Variants in EVPLL observed in about 807,000 individuals in gnomAD.
The protein encoded by EVPLL is envoplakin-like protein.
Under a neutral mutation model 46.2 loss-of-function variants are expected in EVPLL, and 39 were observed. The observed-to-expected ratio is 0.84, with a 90% confidence interval of 0.65 to 1.10. EVPLL has a LOEUF of 1.10. Among genes scored for constraint, EVPLL ranks in the 50% least tolerant of loss-of-function variants. The probability of loss-of-function intolerance (pLI) is 0.00; values close to 1 mark genes in which losing one functional copy is unlikely to be tolerated. For missense variants in EVPLL, 385 were observed against 412.6 expected (o/e 0.93, Z 0.58); for synonymous variants, 156 against 165.8 (o/e 0.94, Z 0.46).
rs1259136009 is a variant in EVPLL, at chr17:18,383,488, C to A, written c.781-4C>A. ...GTCCGAGGGCTCCGTGCTGCGGTAC[C>A]CAGGCCCACCAGGAGGCCCTGAAGA... On this transcript the variant is annotated splice_region_variant and splice_polypyrimidine_tract_variant and intron_variant, in intron 8 of 10. Transcript: ENST00000399134. 5 of 1,570,832 alleles carry A rather than the reference C, an allele frequency of 3.2e-6. No homozygotes were observed. The highest frequency in any genetic ancestry group is 4.3e-6 in the Non-Finnish European group (5 of 1,158,128).
intron 1 of EVPLL, 191 bp from the exon 2 acceptor site, chr17:18,380,711 G>A (rs983917326): frequency 1.7e-6 from 1 of 572,828 alleles, no homozygotes; most frequent in South Asian, 2.2e-5. Flanking sequence ...CCCTCATGTG[G>A]CGGGGCAGTG....
chr17:18,378,537 C>T (rs1388935361), intron 1 of EVPLL, among the ~76,000 whole-genome samples: 1 of 152,080 alleles, frequency 6.6e-6, no homozygotes, highest in Non-Finnish European at 1.5e-5. Context: ...CATGGCTGGG[C>T]GCGGTAGCTC....
chr17:18,383,420 G>A (rs779571301), intron 8 of EVPLL, 42 bp downstream of exon 8: 2 of 1,543,788 alleles, frequency 1.3e-6, no homozygotes, highest in South Asian at 1.2e-5. Flanking sequence ...GACGTGGTGG[G>A]CGGGGAAGGG....
intron 1 of EVPLL, chr17:18,380,050 C>CTT (rs2151626559): frequency 6.6e-6 from 1 of 152,512 alleles, no homozygotes; most frequent in Non-Finnish European, 1.5e-5. Context: ...GGGGCCCATC[C>CTT]TTTGACCCAG....
intron 1 of EVPLL, among the ~76,000 whole-genome samples, chr17:18,379,639 G>A (rs112624894): frequency 3.3e-5 from 5 of 152,178 alleles, no homozygotes; most frequent in African/African-American, 1.2e-4. Flanking sequence ...CCTCACGTGC[G>A]ATCCACTCGT....
chr17:18,381,904 C>G lies in EVPLL; in HGVS notation c.346+174C>G. The G allele has an allele frequency of 9.4e-7, 1 of 1,059,366 alleles. No individual in the cohort carries two copies. Among genetic ancestry groups the G allele is most frequent in the Non-Finnish European group, 1.4e-6 (1 of 735,798 alleles). The allele number at this position is 1,059,366 out of a possible 1,614,324, so 65.6% of individuals were successfully genotyped here. A position where few individuals can be genotyped will look rare whatever the true frequency, so the allele number is the denominator to read the frequency against. ...AGGGAAGACTTCCTGTAGGAGGAGG[C>G]ACATGAAGAGACCTCAGAGGGGTGA... On this transcript the variant is annotated intron_variant, in intron 4 of 10. Transcript: ENST00000399134. The surrounding 1 kb of genome is among the most constrained non-coding windows in gnomAD (Gnocchi z 4.2).
In EVPLL at chr17:18,382,579, A is replaced by G. The variant is rs1159550979; in HGVS notation, c.413A>G (p.Gln138Arg). The change falls in exon 5 of 11, where the codon CAA (glutamine) becomes CGA (arginine). Residue 138 changes from glutamine to arginine, a missense_variant. Transcript: ENST00000399134. ...GGAGGTDRGAQHRAEGDQRPR... is the reference protein window; with the variant it reads ...GGAGGTDRGARHRAEGDQRPR... ...GCTGGAGGAACAGATCGCGGAGCTCAACATCGTGCAGAAGGAGATCAACGA... is the reference window on the plus strand; with the variant it reads ...GCTGGAGGAACAGATCGCGGAGCTCGACATCGTGCAGAAGGAGATCAACGA... 4 of 1,551,858 alleles carry G rather than the reference A, an allele frequency of 2.6e-6. No individual in the cohort carries two copies. The highest frequency in any genetic ancestry group is 2.0e-5 in the Admixed American group (1 of 51,014).
chr17:18,387,702 A>T (rs532005834), intron 9 of EVPLL, among the ~76,000 whole-genome samples: 1 of 152,198 alleles, frequency 6.6e-6, no homozygotes, highest in African/African-American at 2.4e-5. Context: ...TGACCTTCGT[A>T]TTTATGCCTC....
intron 9 of EVPLL, chr17:18,387,845 A>G (rs1288147624): frequency 6.6e-6 from 1 of 152,472 alleles, no homozygotes; most frequent in East Asian, 1.9e-4. Context: ...TCCTGTCTCT[A>G]CAAGAAACCA....
intron 9 of EVPLL, among the ~76,000 whole-genome samples, chr17:18,384,164 G>A (rs1341653589): frequency 6.6e-6 from 1 of 151,930 alleles, no homozygotes; most frequent in African/African-American, 2.4e-5. Context: ...CAGCATATCT[G>A]TGGTATAAAT....
chr17:18,387,922 G>T, intron 9 of EVPLL: 1 of 141,896 alleles, frequency 7.0e-6, no homozygotes. Flanking sequence ...CTGAGGTGGG[G>T]AGGATTGCTT....
At chr17:18,383,212 C>A in intron 7 of EVPLL, 27 bp downstream of exon 7, 1 of 1,546,294 alleles carries the variant, frequency 6.5e-7, no homozygotes. Flanking sequence ...TGGGGCCAGG[C>A]GGGGGCGACC....
At chr17:18,380,534 T>C in intron 1 of EVPLL, 1 of 196,352 alleles carries the variant, frequency 5.1e-6, no homozygotes. Context: ...CAACTGCCCC[T>C]CCCAGGGCCC....
rs1487992678 is a variant in EVPLL at position 18,383,548 on chromosome 17, C to G, written c.837C>G (p.Cys279Trp). 1 of 1,568,908 alleles carries G rather than the reference C, an allele frequency of 6.4e-7. No individual in the cohort carries two copies. Among genetic ancestry groups the G allele is most frequent in the South Asian group, 1.2e-5 (1 of 85,974 alleles). The stretch of plus-strand genomic sequence containing the variant: ...AGAACTTCCTGAACCTGTGCATCTG[C>G]CAGGAGACCCAGCTCCAGCACGTGG... ...EWQNFLNLCICQETQLQHVED... is the reference protein window; with the variant it reads ...EWQNFLNLCIWQETQLQHVED... Residue 279 changes from cysteine to tryptophan, a missense_variant, in exon 9 of 11, where the codon TGC becomes TGG. Cys to Trp is a radical substitution (Grantham distance 215). Transcript: ENST00000399134.
At chr17:18,384,894 AGAG>A (rs1208103251) in intron 9 of EVPLL, among the ~76,000 whole-genome samples, 3 of 152,122 alleles carry the variant, frequency 2.0e-5, no homozygotes, top group Non-Finnish European at 4.4e-5. Context: ...GCTCGTCTGC[AGAG>A]GAGGCAGCAG....
intron 10 of EVPLL, 131 bp downstream of exon 10, chr17:18,388,419 A>T: frequency 1.6e-6 from 1 of 610,748 alleles, no homozygotes; most frequent in South Asian, 2.2e-5. Flanking sequence ...GTGTCTCTGG[A>T]TCTGGCCTCC....
intron 9 of EVPLL, among the ~76,000 whole-genome samples, chr17:18,387,339 G>C (rs1987800566): frequency 6.6e-6 from 1 of 151,736 alleles, no homozygotes; most frequent in Non-Finnish European, 1.5e-5. Context: ...CCTGATTCCA[G>C]CCATTTGTCA....
chr17:18,382,712 A>T lies in EVPLL; in HGVS notation c.472+74A>T, dbSNP rs185449321. 3,378 of 1,550,774 alleles carry T rather than the reference A, an allele frequency of 2.2e-3. 6 individuals carry two copies. Among genetic ancestry groups the T allele is most frequent in the Non-Finnish European group, 2.7e-3 (3,141 of 1,145,380 alleles). On this transcript the variant is annotated intron_variant, in intron 5 of 10. Coordinates refer to ENST00000399134, the MANE Select transcript of EVPLL (RefSeq NM_001145127.2). ...TTTTTCCAGTCAGAGCCGGAGCTAG[A>T]TCGGCTGGGCCCTGGGGATAGGGGT... is the stretch of plus-strand genomic sequence containing the variant.
intron 1 of EVPLL, among the ~76,000 whole-genome samples, chr17:18,378,197 T>A (rs751316756): frequency 1.3e-5 from 2 of 152,194 alleles, no homozygotes; most frequent in Non-Finnish European, 2.9e-5. Context: ...AGGCAGGGGA[T>A]GGCCTGGGGC....
Sources: gnomAD v4.1 joint callset for allele counts (sites outside exome capture counted in the v4.1 genomes callset) on GRCh38, gnomAD v4.1.1 for gene constraint, Gnocchi (gnomAD v3.1) non-coding constraint, MANE v1.5 for transcripts, NCBI Gene and HGNC (gene_info 2026-07-23, HGNC 2026-07-21) for gene names.